The following SUCLG2 variants were observed in gnomAD, a reference collection of about 807,000 sequenced individuals.
SUCLG2 encodes succinate--CoA ligase [GDP-forming] subunit beta, mitochondrial.
In SUCLG2, 42 loss-of-function variants were observed where a neutral mutation model predicts 47.9. That is an observed-to-expected ratio of 0.88 (90% CI 0.69 to 1.14). The LOEUF is 1.14. SUCLG2 is among the 50% of genes most tolerant of loss of function. SUCLG2 has a pLI of 0.00. For synonymous variants in SUCLG2, 195 were observed against 197.3 expected, an observed-to-expected ratio of 0.99 and a Z score of 0.10; for missense variants, 571 against 525.9, an observed-to-expected ratio of 1.09 and a Z score of -0.84.
At chr3:67,577,312 C>CAAAA (rs34305042) in intron 2 of SUCLG2, among the ~76,000 whole-genome samples, 1 of 132,874 alleles carries the variant, frequency 7.5e-6, no homozygotes, top group African/African-American at 3.5e-5. Flanking sequence ...TCTCAAAAAA[C>CAAAA]AAAAAAAAAA....
intron 1 of SUCLG2, among the ~76,000 whole-genome samples, chr3:67,630,341 T>C (rs1700903914): frequency 6.6e-6 from 1 of 152,214 alleles, no homozygotes; most frequent in South Asian, 2.1e-4. Context: ...GGTTCTATTA[T>C]ATAGAAGATT....
intron 2 of SUCLG2, among the ~76,000 whole-genome samples, chr3:67,548,406 C>A (rs1362098302): frequency 6.6e-6 from 1 of 152,226 alleles, no homozygotes; most frequent in African/African-American, 2.4e-5. Context: ...CAATCCAGCA[C>A]AACCCATCTT....
At chr3:67,452,844 T>C (rs1225121045) in intron 9 of SUCLG2, among the ~76,000 whole-genome samples, 1 of 152,236 alleles carries the variant, frequency 6.6e-6, no homozygotes. Flanking sequence ...TTACAAGTCA[T>C]GAATACCATT....
intron 4 of SUCLG2, among the ~76,000 whole-genome samples, chr3:67,525,768 G>A (rs1227554810): frequency 6.6e-6 from 1 of 152,138 alleles, no homozygotes; most frequent in African/African-American, 2.4e-5. Flanking sequence ...ATCCATAAAG[G>A]AAATATTGAC....
chr3:67,596,079 C>T (rs1708286222), intron 2 of SUCLG2, among the ~76,000 whole-genome samples: 1 of 152,230 alleles, frequency 6.6e-6, no homozygotes, highest in African/African-American at 2.4e-5. Flanking sequence ...GAACATCCAA[C>T]CTCCTTAGTT....
intron 9 of SUCLG2, among the ~76,000 whole-genome samples, chr3:67,432,120 A>C (rs541306030): frequency 1.3e-5 from 2 of 152,302 alleles, no homozygotes; most frequent in Non-Finnish European, 2.9e-5. Context: ...CACTAGATTT[A>C]ACAATGGGAG....
chr3:67,455,793 G>A (rs564825599), intron 9 of SUCLG2, among the ~76,000 whole-genome samples: 1 of 152,084 alleles, frequency 6.6e-6, no homozygotes, highest in African/African-American at 2.4e-5. Flanking sequence ...GAAAGGGTAG[G>A]CCTTTCCATT....
intron 2 of SUCLG2, among the ~76,000 whole-genome samples, chr3:67,544,851 T>G (rs1012375935): frequency 4.6e-5 from 7 of 152,190 alleles, no homozygotes; most frequent in Admixed American, 4.6e-4. Flanking sequence ...TCATTCAAAT[T>G]TGCTATTTCA....
At chr3:67,409,076 T>C (rs1366784100) in intron 9 of SUCLG2, 3 of 1,520,346 alleles carry the variant, frequency 2.0e-6, no homozygotes, top group South Asian at 2.4e-5. Flanking sequence ...TTGTATAGGT[T>C]TGTGGACCAA....
intron 10 of SUCLG2, 81 bp downstream of exon 10, chr3:67,400,650 G>A (rs2106813840): frequency 6.4e-7 from 1 of 1,560,356 alleles, no homozygotes; most frequent in Non-Finnish European, 8.7e-7. Context: ...GTTATCTCAG[G>A]AAGTTTGTGA....
Position 67,499,584 on chromosome 3 carries a change from A to G in SUCLG2, c.758-1289T>C, listed in dbSNP as rs149863832. ...ACTTTCCTTGATTTACAGATCTCCT[A>G]TACATACAATCAGGGAGAGACTGCA... On this transcript the variant is annotated intron_variant, in intron 7 of 10. Coordinates refer to ENST00000307227, the MANE Select transcript of SUCLG2 (RefSeq NM_003848.4). Among the ~76,000 whole-genome samples the G allele has an allele frequency of 4.6e-3, 694 of 152,270 alleles. 11 individuals carry two copies. In the East Asian group the frequency reaches 0.059, roughly 13 times the overall value.
chr3:67,491,945 C>T (rs909827461), intron 9 of SUCLG2, among the ~76,000 whole-genome samples: 1 of 152,082 alleles, frequency 6.6e-6, no homozygotes, highest in African/African-American at 2.4e-5. Context: ...AAATAGCATG[C>T]CCAAGGTCCC....
chr3:67,393,296 G>T (rs1366943667), intron 10 of SUCLG2, among the ~76,000 whole-genome samples: 1 of 152,240 alleles, frequency 6.6e-6, no homozygotes, highest in African/African-American at 2.4e-5. Flanking sequence ...ATGGCACCTG[G>T]AAAATCGGGT....
chr3:67,552,503 C>T (rs1002157516), intron 2 of SUCLG2, among the ~76,000 whole-genome samples: 4 of 152,212 alleles, frequency 2.6e-5, no homozygotes, highest in Non-Finnish European at 4.4e-5. Context: ...GCAATACTGG[C>T]TGGTCTTAAC....
intron 9 of SUCLG2, among the ~76,000 whole-genome samples, chr3:67,449,968 T>C (rs1344787821): frequency 1.3e-5 from 2 of 152,094 alleles, no homozygotes; most frequent in African/African-American, 2.4e-5. Flanking sequence ...AGTATCACTA[T>C]CAATACGAAA....
chr3:67,430,987 G>T (rs572515819), intron 9 of SUCLG2, among the ~76,000 whole-genome samples: 3 of 152,206 alleles, frequency 2.0e-5, no homozygotes, highest in African/African-American at 7.2e-5. Flanking sequence ...AAAAGTCCAG[G>T]ACCAGACGGA....
At chr3:67,438,624 C>T (rs893973363) in intron 9 of SUCLG2, among the ~76,000 whole-genome samples, 7 of 152,134 alleles carry the variant, frequency 4.6e-5, no homozygotes, top group African/African-American at 1.7e-4. Context: ...CACAGATAAA[C>T]TAGAAAATCT....
At chr3:67,609,181 T>C (rs1700482670) in intron 2 of SUCLG2, among the ~76,000 whole-genome samples, 1 of 152,142 alleles carries the variant, frequency 6.6e-6, no homozygotes, top group African/African-American at 2.4e-5. Context: ...TGATTCCACA[T>C]CTCCTCCCAG....
chr3:67,565,703 C>T (rs1486354866), intron 2 of SUCLG2, among the ~76,000 whole-genome samples: 1 of 152,200 alleles, frequency 6.6e-6, no homozygotes. Context: ...TGTCATCCTC[C>T]ATAACCTGTG....
Sources: gnomAD v4.1 joint callset for allele counts (sites outside exome capture counted in the v4.1 genomes callset) on GRCh38, gnomAD v4.1.1 for gene constraint, MANE v1.5 for transcripts, NCBI Gene and HGNC (gene_info 2026-07-23, HGNC 2026-07-21) for gene names.